Variants in BNIP2 observed in about 807,000 individuals in gnomAD.
The protein encoded by BNIP2 is BCL2/adenovirus E1B 19 kDa protein-interacting protein 2.
BNIP2 carries 36 observed loss-of-function variants against 43.4 expected under a neutral mutation model. The ratio of observed to expected loss-of-function variants is 0.83; its 90% CI spans 0.64 to 1.10. The LOEUF is 1.10. Ranked by LOEUF, BNIP2 falls within the 50% of genes least tolerant of loss-of-function variation. The probability of loss-of-function intolerance (pLI) is 0.00; values close to 1 mark genes in which losing one functional copy is unlikely to be tolerated. For synonymous variants in BNIP2, 146 were observed against 121.0 expected (o/e 1.21, Z -1.35); for missense variants, 417 against 374.1 (o/e 1.11, Z -0.95).
chr15:59,669,791 A>C (rs1248072005), intron 7 of BNIP2, among the ~76,000 whole-genome samples: 4 of 152,260 alleles, frequency 2.6e-5, no homozygotes, highest in African/African-American at 9.6e-5. Flanking sequence ...CACAGGAACA[A>C]AAACAAATCA....
intron 5 of BNIP2, 40 bp from the exon 6 acceptor site, chr15:59,672,779 T>A: frequency 3.4e-6 from 5 of 1,486,760 alleles, no homozygotes; most frequent in Non-Finnish European, 4.7e-6. Context: ...AGCACGATTT[T>A]ACTCTTAGGC....
At position 59,675,466 on chromosome 15, in the gene BNIP2, T is replaced by C. The variant is rs1406526501; in HGVS notation, c.472+2445A>G. Among the ~76,000 whole-genome samples the C allele has an allele frequency of 2.0e-5, 3 of 148,632 alleles. No homozygotes were observed. The East Asian group carries it at 6.1e-4, about 30-fold the overall frequency. ...TCTACTAAAAATACAAAAAATTAGCTGGGCATGGTGGCGTGCACCTGTAAT... is the reference window on the plus strand; with the variant it reads ...TCTACTAAAAATACAAAAAATTAGCCGGGCATGGTGGCGTGCACCTGTAAT... On this transcript the variant is annotated intron_variant, in intron 5 of 9. Transcript: ENST00000607373.
chr15:59,663,064 C>T lies in BNIP2; in HGVS notation c.*1005G>A, dbSNP rs1245141527. 2 of 152,540 alleles carry T rather than the reference C, an allele frequency of 1.3e-5. No homozygotes were observed. Among genetic ancestry groups the T allele is most frequent in the East Asian group, 1.9e-4 (1 of 5,196 alleles). 9.4% of individuals were successfully genotyped at this position (152,540 alleles called of 1,614,324 possible). A position where few individuals can be genotyped will look rare whatever the true frequency, so the allele number is the denominator to read the frequency against. Reference sequence around the variant, plus strand: ...ACATCTAACTAGGTCAAACAACTACCGAGTTCAAATAATTGATATGGAAGT... The same window carrying T: ...ACATCTAACTAGGTCAAACAACTACTGAGTTCAAATAATTGATATGGAAGT... On this transcript the variant is annotated 3_prime_UTR_variant, in exon 10 of 10. Transcript: ENST00000607373.
chr15:59,683,148 G>T (rs1202869345), intron 1 of BNIP2, among the ~76,000 whole-genome samples: 2 of 152,196 alleles, frequency 1.3e-5, no homozygotes, highest in Admixed American at 6.5e-5. Flanking sequence ...TGAACTTGGT[G>T]AATGCCCTTT....
chr15:59,688,144 T>C (rs558255598), intron 1 of BNIP2, among the ~76,000 whole-genome samples: 1 of 152,288 alleles, frequency 6.6e-6, no homozygotes, highest in East Asian at 1.9e-4. Context: ...ATATGAAGAC[T>C]AGGAATAGAG....
At chr15:59,688,766 G>A (rs944371331) in intron 1 of BNIP2, 1 of 1,535,648 alleles carries the variant, frequency 6.5e-7, no homozygotes, top group Non-Finnish European at 8.7e-7. Flanking sequence ...GTACCAGGAC[G>A]GACGCTGGTC....
rs1283434839 is a variant in BNIP2, at chr15:59,659,983, T to C, written c.*4086A>G. 5.3e-5 allele frequency: 8 copies of C among 152,222 alleles called. No individual in the cohort carries two copies. Among genetic ancestry groups the C allele is most frequent in the Admixed American group, 1.3e-4 (2 of 15,280 alleles). The allele number at this position is 152,222 out of a possible 1,614,324, so 9.4% of individuals were successfully genotyped here. A position where few individuals can be genotyped will look rare whatever the true frequency, so the allele number is the denominator to read the frequency against. On this transcript the variant is annotated 3_prime_UTR_variant, in exon 10 of 10. Transcript: ENST00000607373. The stretch of plus-strand genomic sequence containing the variant: ...CAAAGGAAAGTTACATAACTGGGTC[T>C]CACCATTGATCTGATTCTAAGTTCA...
At chr15:59,671,682 C>T (rs1277065234) in intron 6 of BNIP2, among the ~76,000 whole-genome samples, 3 of 152,138 alleles carry the variant, frequency 2.0e-5, no homozygotes, top group Non-Finnish European at 2.9e-5. Context: ...CTGCACTAAC[C>T]TGAGAAATAG....
chr15:59,688,616 G>T, intron 1 of BNIP2: 2 of 1,243,886 alleles, frequency 1.6e-6, no homozygotes, highest in South Asian at 1.3e-5. Flanking sequence ...TTCACGCGGG[G>T]ACTCGGCTTT....
At chr15:59,681,961 A>G (rs527823016) in intron 2 of BNIP2, among the ~76,000 whole-genome samples, 29 of 151,084 alleles carry the variant, frequency 1.9e-4, no homozygotes, top group African/African-American at 6.8e-4. Context: ...AGTAAGATAC[A>G]AGAGAATCAA....
intron 8 of BNIP2, 23 bp downstream of exon 8, chr15:59,669,253 A>T (rs1892752655): frequency 1.0e-5 from 15 of 1,472,148 alleles, no homozygotes; most frequent in Non-Finnish European, 1.3e-5. Flanking sequence ...ATAAAATTAA[A>T]GTCAATGGCT....
intron 7 of BNIP2, among the ~76,000 whole-genome samples, chr15:59,670,708 T>C (rs1415923551): frequency 6.6e-6 from 1 of 152,178 alleles, no homozygotes; most frequent in Non-Finnish European, 1.5e-5. Context: ...TATTCTAAAA[T>C]GCTATCTTTA....
intron 9 of BNIP2, chr15:59,668,138 C>A (rs1026139991): frequency 2.0e-5 from 26 of 1,281,672 alleles, no homozygotes; most frequent in Non-Finnish European, 2.7e-5. Context: ...CTTCTTCATA[C>A]CTTTGTAGGG....
At chr15:59,677,741 C>A in intron 5 of BNIP2, 170 bp downstream of exon 5, 1 of 1,162,704 alleles carries the variant, frequency 8.6e-7, no homozygotes. Flanking sequence ...AAAACAAGCC[C>A]TCCAGGAACT....
At chr15:59,675,375 C>G (rs912749461) in intron 5 of BNIP2, among the ~76,000 whole-genome samples, 1 of 151,976 alleles carries the variant, frequency 6.6e-6, no homozygotes, top group Admixed American at 6.6e-5. Context: ...CTTCAGGAGG[C>G]TGGGGTGAGC....
intron 6 of BNIP2, 74 bp downstream of exon 6, chr15:59,672,563 G>T (rs1426988315): frequency 1.8e-6 from 2 of 1,131,254 alleles, no homozygotes; most frequent in African/African-American, 1.6e-5. Flanking sequence ...TTTTTGAAAA[G>T]GTTAAGTTTC....
chr15:59,677,824 T>C, intron 5 of BNIP2, 87 bp downstream of exon 5: 14 of 1,469,056 alleles, frequency 9.5e-6, no homozygotes, highest in Non-Finnish European at 1.2e-5. Context: ...CAGGGCTTAT[T>C]TACTCTTAAT....
rs893658413 is a variant in BNIP2 at position 59,669,299 on chromosome 15, C to T, written c.771G>A (p.Leu257=). 4 of 1,556,446 alleles carry T rather than the reference C, an allele frequency of 2.6e-6. No homozygotes were observed. The highest frequency in any genetic ancestry group is 3.5e-6 in the Non-Finnish European group (4 of 1,158,672). ...VHPSWFIRTL[L]AVTRPFISSK... ...ACCTAATAAATGGTCTTGTAACAGC[C>T]AGAAGTGTTCTGATAAACCAAGAAG... The change falls in exon 8 of 10, where the codon CTG becomes CTA. Residue 257 remains leucine (L), a synonymous_variant. Transcript: ENST00000607373.
chr15:59,677,028 A>G (rs1432814351), intron 5 of BNIP2: 3 of 1,612,306 alleles, frequency 1.9e-6, no homozygotes, highest in Non-Finnish European at 2.5e-6. Flanking sequence ...GAGACTGTTA[A>G]TCATTGATTC....
Sources: allele counts gnomAD v4.1 joint callset (sites outside exome capture counted in the v4.1 genomes callset), GRCh38; gene constraint gnomAD v4.1.1; transcripts MANE v1.5; gene names NCBI Gene and HGNC (gene_info 2026-07-23, HGNC 2026-07-21).